The following NPHP3 variants were observed in gnomAD, a reference collection of about 807,000 sequenced individuals.
NPHP3 encodes the protein nephrocystin 3, also known as nephrocystin-3.
A neutral mutation model predicts 171.9 loss-of-function variants in NPHP3; 123 were observed. That is an observed-to-expected ratio of 0.72 (90% CI 0.62 to 0.83). NPHP3 has a LOEUF of 0.83. Ranked by LOEUF, NPHP3 falls within the 40% of genes least tolerant of loss-of-function variation. The pLI is 0.00. For missense variants in NPHP3, 1,506 were observed against 1,591.9 expected, an observed-to-expected ratio of 0.95 and a Z score of 0.92; for synonymous variants, 558 against 579.2, an observed-to-expected ratio of 0.96 and a Z score of 0.52.
At chr3:132,712,348 G>A (rs542131244) in intron 6 of NPHP3, 2 of 447,762 alleles carry the variant, frequency 4.5e-6, no homozygotes, top group Admixed American at 4.9e-5. Context: ...GTTGATTATT[G>A]AAATTAGGGG....
chr3:132,702,646 G>T (rs536406081), intron 9 of NPHP3, among the ~76,000 whole-genome samples: 11 of 152,282 alleles, frequency 7.2e-5, no homozygotes, highest in African/African-American at 2.6e-4. Context: ...GCTTGCTTTA[G>T]AATAACACAA....
intron 13 of NPHP3, among the ~76,000 whole-genome samples, chr3:132,698,217 G>A (rs113315083): frequency 0.026 from 3,963 of 152,074 alleles, 172 homozygotes; most frequent in African/African-American, 0.09. Context: ...CTGACCTCCC[G>A]ATCCACCCGC....
chr3:132,712,402 G>T (rs1244930731), intron 6 of NPHP3: 3 of 456,658 alleles, frequency 6.6e-6, no homozygotes, highest in Admixed American at 2.4e-5. Context: ...AACAACTCAG[G>T]TTTTGTAGGA....
intron 15 of NPHP3, among the ~76,000 whole-genome samples, chr3:132,696,105 A>G (rs1352598081): frequency 6.7e-6 from 1 of 149,944 alleles, no homozygotes; most frequent in Non-Finnish European, 1.5e-5. Context: ...ATGAATAACA[A>G]AAAATGTATT....
At chr3:132,712,366 CT>C in intron 6 of NPHP3, 2 of 453,438 alleles carry the variant, frequency 4.4e-6, no homozygotes, top group South Asian at 3.1e-5. Context: ...GGGTTATCAA[CT>C]TTTTCTGTAA....
intron 7 of NPHP3, among the ~76,000 whole-genome samples, chr3:132,706,476 C>T (rs1301131154): frequency 6.6e-6 from 1 of 151,688 alleles, no homozygotes; most frequent in African/African-American, 2.4e-5. Flanking sequence ...CTTCAAAATG[C>T]ATCAAAATCC....
Position 132,716,827 on chromosome 3 carries a change from C to T in NPHP3, c.753G>A (p.Gln251=). ...GGGCAAACTCAGGGCCTCTGAAGGA[C>T]TGCTGAAGCTGGATCATGCTTCCTA... ...PSIGSMIQLQ[Q]SFRGPEFAHS... is the part of the protein sequence containing the mutation. The change falls in exon 4 of 27, where the codon CAG becomes CAA. Residue 251 remains glutamine, a synonymous_variant. Transcript: ENST00000337331. 1 of 1,614,222 alleles carries T rather than the reference C, an allele frequency of 6.2e-7. No individual in the cohort carries two copies. The highest frequency in any genetic ancestry group is 1.3e-5 in the African/African-American group (1 of 75,074).
At chr3:132,716,093 A>G (rs1940043843) in intron 4 of NPHP3, among the ~76,000 whole-genome samples, 1 of 152,154 alleles carries the variant, frequency 6.6e-6, no homozygotes. Context: ...ATCAACTATC[A>G]TTAGTGTTAG....
chr3:132,698,439 G>A (rs1939515710), intron 13 of NPHP3, among the ~76,000 whole-genome samples: 1 of 151,586 alleles, frequency 6.6e-6, no homozygotes, highest in Non-Finnish European at 1.5e-5. Context: ...CACCATGCCT[G>A]GCTAATTTTT....
chr3:132,692,251 A>G (rs1939317994), intron 17 of NPHP3, among the ~76,000 whole-genome samples: 1 of 152,228 alleles, frequency 6.6e-6, no homozygotes, highest in Non-Finnish European at 1.5e-5. Context: ...TCACACAATG[A>G]TACAATCACC....
Position 132,691,227 on chromosome 3 carries a change from C to T in NPHP3, c.2535G>A (p.Arg845=). The change falls in exon 18 of 27, where the codon AGG becomes AGA. Residue 845 remains arginine, a synonymous_variant. Coordinates refer to ENST00000337331, the MANE Select transcript of NPHP3 (RefSeq NM_153240.5). The part of the protein sequence containing the change: ...LEGPTVTSSY[R]QKLINYFTLQ... ...AGGTGAAATAGTTGATTAGCTTTTG[C>T]CTGTATGAAGAAGTAACAGTGGGGC... The T allele has an allele frequency of 6.2e-7, 1 of 1,613,256 alleles. No individual in the cohort carries two copies. Among genetic ancestry groups the T allele is most frequent in the Non-Finnish European group, 8.5e-7 (1 of 1,179,416 alleles).
At chr3:132,692,196 G>T (rs1251003384) in intron 17 of NPHP3, among the ~76,000 whole-genome samples, 2 of 152,144 alleles carry the variant, frequency 1.3e-5, no homozygotes, top group African/African-American at 4.8e-5. Flanking sequence ...CTCCATGTGT[G>T]GTAGGCTGTA....
chr3:132,695,611 A>G (rs1283562980), intron 15 of NPHP3, among the ~76,000 whole-genome samples: 2 of 152,182 alleles, frequency 1.3e-5, no homozygotes, highest in African/African-American at 4.8e-5. Flanking sequence ...ATGTGTTGCT[A>G]CAACTAACAG....
At chr3:132,712,535 G>A (rs1939939439) in intron 6 of NPHP3, 1 of 453,224 alleles carries the variant, frequency 2.2e-6, no homozygotes, top group Non-Finnish European at 4.4e-6. Context: ...GGGAGGCCAA[G>A]GCAGGGGGAT....
intron 17 of NPHP3, among the ~76,000 whole-genome samples, chr3:132,691,706 T>C (rs979638234): frequency 2.0e-5 from 3 of 152,192 alleles, no homozygotes; most frequent in Admixed American, 6.5e-5. Context: ...AAATCAACCA[T>C]GGCATTGCAG....
At position 132,722,288 on chromosome 3, in the gene NPHP3, C is replaced by T; in HGVS notation, c.68G>A (p.Gly23Asp). ...CGGGATCTCGCAGGCCTCGCCGCCG[C>T]CCGCCCCGTACGTGTCCTCGATCAC... ...GEVIEDTYGA[G>D]GGEACEIPVE... is the part of the protein sequence containing the mutation. The change falls in exon 1 of 27, where the codon GGC becomes GAC. Residue 23 changes from glycine (G) to aspartate (D), a missense_variant. Coordinates refer to ENST00000337331, the MANE Select transcript of NPHP3 (RefSeq NM_153240.5). 1 of 1,579,594 alleles carries T rather than the reference C, an allele frequency of 6.3e-7. No individual in the cohort carries two copies. Among genetic ancestry groups the T allele is most frequent in the Non-Finnish European group, 8.5e-7 (1 of 1,171,928 alleles).
rs746721580 is a variant in NPHP3 at position 132,682,009 on chromosome 3, CAA to C, written c.3892_3893del (p.Leu1298GlyfsTer16). On this transcript the variant is annotated frameshift_variant, in exon 27 of 27. Coordinates refer to ENST00000337331, the MANE Select transcript of NPHP3 (RefSeq NM_153240.5). LOFTEE classifies it high-confidence loss of function. ...MEIKEAETSL[L>X]GGKAPSRHSS... ...AATGGCGTGAAGGAGCTTTTCCACC[CAA>C]GAGTGATGTTTCTGCTTCTTTTATT... The C allele has an allele frequency of 5.0e-6, 8 of 1,613,900 alleles. No homozygotes were observed. The highest frequency in any genetic ancestry group is 5.9e-6 in the Non-Finnish European group (7 of 1,179,890).
rs369056650 is a variant in NPHP3 at position 132,715,554 on chromosome 3, A to G, written c.824-336T>C. ...AGAGGATTTATAGCTTTACTTTCTT[A>G]TTATTCTTGAAATATATTGAGTTAA... On this transcript the variant is annotated intron_variant, in intron 4 of 26. Transcript: ENST00000337331. Among the ~76,000 whole-genome samples the G allele has an allele frequency of 1.6e-4, 24 of 152,348 alleles. No individual in the cohort carries two copies. In the East Asian group the frequency reaches 4.0e-3, roughly 26 times the overall value.
Position 132,688,757 on chromosome 3 carries a change from T to C in NPHP3, c.3018A>G (p.Gln1006=), listed in dbSNP as rs919005471. ...VQWKKFGNAE[Q]LYKQALEISE... ...AGATTTCCAACGCCTGTTTATACAG[T>C]TGTTCTGCATTGCCAAACTTCTTCC... Residue 1006 remains glutamine, a synonymous_variant, in exon 21 of 27, where the codon CAA becomes CAG. Transcript: ENST00000337331. The C allele has an allele frequency of 6.2e-7, 1 of 1,614,144 alleles. No individual in the cohort carries two copies. The highest frequency in any genetic ancestry group is 1.1e-5 in the South Asian group (1 of 91,082).
Sources: gnomAD v4.1 joint callset for allele counts (sites outside exome capture counted in the v4.1 genomes callset) on GRCh38, gnomAD v4.1.1 for gene constraint, MANE v1.5 for transcripts, NCBI Gene and HGNC (gene_info 2026-07-23, HGNC 2026-07-21) for gene names.